The following KANK1 variants were observed in gnomAD, a reference collection of about 807,000 sequenced individuals.
KANK1 encodes KN motif and ankyrin repeat domains 1.
In KANK1, 109 loss-of-function variants were observed where a neutral mutation model predicts 106.2. That is an observed-to-expected ratio of 1.03 (90% CI 0.88 to 1.20). KANK1 has a LOEUF of 1.20. Ranked by LOEUF, KANK1 falls within the 50% of genes most tolerant of loss-of-function variation. The pLI is 0.00. For missense variants in KANK1, 2,399 were observed against 1,710.7 expected, an observed-to-expected ratio of 1.40 and a Z score of -7.10; for synonymous variants, 873 against 652.2, an observed-to-expected ratio of 1.34 and a Z score of -5.16.
chr9:486,835 T>A (rs2058301150), intron 3 of KANK1, among the ~76,000 whole-genome samples: 1 of 152,232 alleles, frequency 6.6e-6, no homozygotes, highest in African/African-American at 2.4e-5. Flanking sequence ...TAAACTTCTG[T>A]GCTTCTTACA....
At chr9:559,401 TAA>T (rs3832615) in intron 1 of KANK1, among the ~76,000 whole-genome samples, 1 of 148,866 alleles carries the variant, frequency 6.7e-6, no homozygotes, top group Admixed American at 6.7e-5. Context: ...TTGGAGAGGT[TAA>T]AAAAAAAAAG....
intron 1 of KANK1, among the ~76,000 whole-genome samples, chr9:513,770 C>T (rs1449736858): frequency 6.6e-6 from 1 of 152,142 alleles, no homozygotes; most frequent in Non-Finnish European, 1.5e-5. Flanking sequence ...AAAGTAGATA[C>T]TTTGGGAGGC....
upstream of KANK1, among the ~76,000 whole-genome samples, chr9:502,390 C>T (rs1174438563): frequency 1.3e-5 from 2 of 152,126 alleles, no homozygotes; most frequent in Non-Finnish European, 2.9e-5. Flanking sequence ...TATAAATCCA[C>T]TAAAAATTCA....
At chr9:739,598 G>A (rs928812168) in intron 8 of KANK1, among the ~76,000 whole-genome samples, 1 of 152,232 alleles carries the variant, frequency 6.6e-6, no homozygotes, top group African/African-American at 2.4e-5. Flanking sequence ...CAGTCAGCCA[G>A]AGTGATTGTT....
At chr9:682,914 C>T (rs1057099769) in intron 2 of KANK1, among the ~76,000 whole-genome samples, 10 of 152,296 alleles carry the variant, frequency 6.6e-5, no homozygotes, top group South Asian at 2.1e-4. Flanking sequence ...ACCCCACTCT[C>T]GCTTGTGTAA....
chr9:600,350 T>TA (rs1319710916), intron 1 of KANK1, among the ~76,000 whole-genome samples: 1 of 151,840 alleles, frequency 6.6e-6, no homozygotes, highest in African/African-American at 2.4e-5. Context: ...ATCTATGTTG[T>TA]AACATGTGTC....
At chr9:510,024 C>A (rs893704987) in intron 1 of KANK1, among the ~76,000 whole-genome samples, 1 of 150,830 alleles carries the variant, frequency 6.6e-6, no homozygotes, top group East Asian at 1.9e-4. Flanking sequence ...GTTGTCCAGG[C>A]GGGTCTCAAA....
chr9:571,021 C>G (rs929299873), intron 1 of KANK1, among the ~76,000 whole-genome samples: 2 of 152,058 alleles, frequency 1.3e-5, no homozygotes, highest in Non-Finnish European at 2.9e-5. Context: ...TTTTAAAAAA[C>G]TACTCTAAAG....
intron 2 of KANK1, among the ~76,000 whole-genome samples, chr9:696,080 C>T (rs887688946): frequency 6.6e-6 from 1 of 152,076 alleles, no homozygotes; most frequent in Non-Finnish European, 1.5e-5. Flanking sequence ...GCCAGGAGAT[C>T]GAGACCATCC....
chr9:729,873 C>G (rs1380845537), intron 3 of KANK1, among the ~76,000 whole-genome samples, 178 bp from the exon 4 acceptor site: 1 of 152,094 alleles, frequency 6.6e-6, no homozygotes, highest in East Asian at 1.9e-4. Flanking sequence ...ATGACGAGGC[C>G]CGGCAGTCTG....
chr9:503,010 T>A (rs964759216), upstream of KANK1, among the ~76,000 whole-genome samples: 20 of 131,442 alleles, frequency 1.5e-4, no homozygotes, highest in East Asian at 3.0e-3. Context: ...GATTTTTTTT[T>A]TTTTTTTTTT....
At chr9:511,255 G>A (rs763533975) in intron 1 of KANK1, among the ~76,000 whole-genome samples, 49 of 152,168 alleles carry the variant, frequency 3.2e-4, no homozygotes, top group Admixed American at 8.5e-4. Context: ...GTAAAAGGTG[G>A]CAGTGCTTGA....
At chr9:735,809 C>T (rs1294396631) in intron 7 of KANK1, 2 of 379,196 alleles carry the variant, frequency 5.3e-6, no homozygotes, top group Admixed American at 2.6e-5. Flanking sequence ...GCTTAGCCAA[C>T]ATGGTGAAAC....
upstream of KANK1, among the ~76,000 whole-genome samples, chr9:503,175 C>G (rs12002163): frequency 0.15 from 23,367 of 151,950 alleles, 3,293 homozygotes; most frequent in African/African-American, 0.38. Context: ...CTTCCTGCCT[C>G]TGATATCTCA....
intron 1 of KANK1, among the ~76,000 whole-genome samples, chr9:663,483 T>G (rs1843833386): frequency 6.6e-6 from 1 of 152,178 alleles, no homozygotes. Context: ...AAAATTATTT[T>G]CCTCCCAAGT....
chr9:629,077 C>CAAA (rs34834497), intron 1 of KANK1, among the ~76,000 whole-genome samples: 27 of 132,694 alleles, frequency 2.0e-4, no homozygotes, highest in Admixed American at 8.5e-4. Flanking sequence ...CAACTGTTTC[C>CAAA]AAAAAAAAAA....
chr9:679,348 A>G (rs1045203648), intron 2 of KANK1, among the ~76,000 whole-genome samples: 3 of 152,176 alleles, frequency 2.0e-5, no homozygotes, highest in Non-Finnish European at 4.4e-5. Flanking sequence ...ACACATAGTA[A>G]TATATACATA....
intron 1 of KANK1, among the ~76,000 whole-genome samples, chr9:619,153 A>G (rs1832560884): frequency 6.6e-6 from 1 of 152,196 alleles, no homozygotes; most frequent in South Asian, 2.1e-4. Flanking sequence ...CTGAATCCTC[A>G]GTTCTTGCTT....
chr9:507,133 C>CTT (rs60184146), intron 1 of KANK1, among the ~76,000 whole-genome samples: 72 of 136,606 alleles, frequency 5.3e-4, no homozygotes, highest in East Asian at 2.4e-3. Flanking sequence ...CTTATGCCAT[C>CTT]TTTTTTTTTT....
Sources: gnomAD v4.1 joint callset for allele counts (sites outside exome capture counted in the v4.1 genomes callset) on GRCh38, gnomAD v4.1.1 for gene constraint, MANE v1.5 for transcripts, NCBI Gene and HGNC (gene_info 2026-07-23, HGNC 2026-07-21) for gene names.